Variants in SGK3 observed in about 807,000 individuals in gnomAD.
SGK3 encodes serum/glucocorticoid regulated kinase family member 3.
SGK3 carries 47 observed loss-of-function variants against 68.5 expected under a neutral mutation model. The observed-to-expected ratio is 0.69, with a 90% CI of 0.54 to 0.87. The LOEUF (loss-of-function observed/expected upper bound fraction) is 0.87. SGK3 is among the 40% of genes least tolerant of loss of function. The pLI, the probability that SGK3 is intolerant of heterozygous loss-of-function variation, is 0.00. For missense variants in SGK3, 479 were observed against 575.5 expected (o/e 0.83, Z 1.72); for synonymous variants, 181 against 189.1 (o/e 0.96, Z 0.35).
intron 1 of SGK3, among the ~76,000 whole-genome samples, chr8:66,736,257 A>G (rs897052993): frequency 2.0e-5 from 3 of 152,180 alleles, no homozygotes; most frequent in African/African-American, 7.2e-5. Context: ...GATTAAAAAT[A>G]TTTTTAAAAA....
chr8:66,825,329 C>CTTTTTTTTTT (rs11347366), intron 6 of SGK3, among the ~76,000 whole-genome samples: 1 of 123,074 alleles, frequency 8.1e-6, no homozygotes, highest in African/African-American at 3.2e-5. Flanking sequence ...TTATTAAGGA[C>CTTTTTTTTTT]TTTTTTTTTT....
intron 3 of SGK3, 40 bp downstream of exon 3, chr8:66,798,665 A>T: frequency 1.3e-6 from 2 of 1,516,396 alleles, no homozygotes; most frequent in Non-Finnish European, 1.8e-6. Flanking sequence ...AAAAGAAAGC[A>T]CCCGAGAAAA....
At chr8:66,837,552 G>A (rs941679428) in intron 10 of SGK3, among the ~76,000 whole-genome samples, 1 of 152,258 alleles carries the variant, frequency 6.6e-6, no homozygotes, top group East Asian at 1.9e-4. Context: ...AGGCCGATGT[G>A]GGTGGATCAC....
chr8:66,798,086 C>T (rs1406306946), intron 2 of SGK3, among the ~76,000 whole-genome samples: 2 of 151,900 alleles, frequency 1.3e-5, no homozygotes, highest in African/African-American at 4.8e-5. Context: ...CAGCTCACTA[C>T]AGCGTCGACT....
intron 1 of SGK3, chr8:66,768,032 A>G (rs1373393585): frequency 4.4e-6 from 3 of 675,854 alleles, no homozygotes; most frequent in Non-Finnish European, 8.2e-6. Context: ...TCTCAACCAG[A>G]TTTAAGTATA....
intron 1 of SGK3, among the ~76,000 whole-genome samples, chr8:66,768,765 A>T (rs1806407454): frequency 6.6e-6 from 1 of 152,094 alleles, no homozygotes; most frequent in South Asian, 2.1e-4. Flanking sequence ...GGGTTTCACC[A>T]TATTTACCAG....
intron 10 of SGK3, 86 bp downstream of exon 10, chr8:66,836,160 A>T (rs989579895): frequency 2.7e-6 from 4 of 1,507,402 alleles, no homozygotes; most frequent in Middle Eastern, 2.3e-4. Context: ...TTAGAAGGAC[A>T]GTATAAAATC....
chr8:66,833,703 T>G (rs1452438738), intron 8 of SGK3, among the ~76,000 whole-genome samples: 2 of 152,232 alleles, frequency 1.3e-5, no homozygotes, highest in Non-Finnish European at 2.9e-5. Flanking sequence ...GTTTAGAATT[T>G]TTTTTGAGAT....
Position 66,813,941 on chromosome 8 carries a change from T to G in SGK3, c.329+13T>G. 1.3e-6 allele frequency: 2 copies of G among 1,574,400 alleles called. No homozygotes were observed. The highest frequency in any genetic ancestry group is 4.7e-5 in the East Asian group (2 of 42,792). On this transcript the variant is annotated intron_variant, in intron 5 of 16. Transcript: ENST00000521198. Reference sequence around the variant, plus strand: ...AACTTTATAACCAGTAAGTAATTTTTGTTGCGTTCTAAAGGGACATTAAAA... The same window carrying G: ...AACTTTATAACCAGTAAGTAATTTTGGTTGCGTTCTAAAGGGACATTAAAA...
chr8:66,744,024 T>C (rs1805556914), intron 1 of SGK3, among the ~76,000 whole-genome samples: 1 of 152,238 alleles, frequency 6.6e-6, no homozygotes, highest in Non-Finnish European at 1.5e-5. Flanking sequence ...TTACCTGGGC[T>C]GGATCCTTTG....
At chr8:66,782,596 AT>A (rs905760533) in intron 1 of SGK3, among the ~76,000 whole-genome samples, 1 of 152,106 alleles carries the variant, frequency 6.6e-6, no homozygotes, top group Non-Finnish European at 1.5e-5. Context: ...GTCACAGAGT[AT>A]TTTCACTGCC....
chr8:66,766,086 TA>T (rs1262449337), intron 1 of SGK3, among the ~76,000 whole-genome samples: 1 of 152,208 alleles, frequency 6.6e-6, no homozygotes, highest in Non-Finnish European at 1.5e-5. Flanking sequence ...AATTTAATTT[TA>T]TTATAGTTAG....
At chr8:66,729,192 C>CA (rs1205435928) in intron 1 of SGK3, among the ~76,000 whole-genome samples, 2 of 151,008 alleles carry the variant, frequency 1.3e-5, no homozygotes, top group Non-Finnish European at 3.0e-5. Context: ...GCACTCCTCT[C>CA]ACGCCTGTAA....
chr8:66,839,862 G>T, intron 10 of SGK3, 141 bp from the exon 11 acceptor site: 1 of 712,830 alleles, frequency 1.4e-6, no homozygotes, highest in Non-Finnish European at 2.2e-6. Context: ...ACATTTCTGT[G>T]CCTTGTTAAC....
chr8:66,740,547 G>T (rs1805449219), intron 1 of SGK3, among the ~76,000 whole-genome samples: 1 of 152,190 alleles, frequency 6.6e-6, no homozygotes, highest in African/African-American at 2.4e-5. Context: ...ACTAAGCTCT[G>T]TTCATGCAAA....
At chr8:66,787,957 C>T (rs2130552254) in intron 1 of SGK3, among the ~76,000 whole-genome samples, 1 of 152,320 alleles carries the variant, frequency 6.6e-6, no homozygotes, top group East Asian at 1.9e-4. Flanking sequence ...CAGAGTTCTG[C>T]CCACTGGGAA....
intron 1 of SGK3, 24 bp from the exon 2 acceptor site, chr8:66,793,592 T>C: frequency 2.8e-6 from 1 of 351,060 alleles, no homozygotes; most frequent in South Asian, 6.0e-5. Context: ...TGCTAATCAC[T>C]TTTTTTTTTT....
At position 66,717,645 on chromosome 8, in the gene SGK3, T is replaced by G. The variant is rs183256729; in HGVS notation, c.-122+4812T>G. On this transcript the variant is annotated intron_variant, in intron 1 of 16. Transcript: ENST00000521198. ...GAAACGTATTCAAGGACAGTGGTGC[T>G]TCATAAGTTTGAAAATGAGAAGGAA... Among the ~76,000 whole-genome samples the G allele has an allele frequency of 4.7e-4, 71 of 152,356 alleles. 1 individual carries two copies. The highest frequency in any genetic ancestry group is 3.4e-3 in the Middle Eastern group (1 of 294).
intron 16 of SGK3, among the ~76,000 whole-genome samples, chr8:66,857,946 G>A (rs866542815): frequency 7.9e-5 from 12 of 151,944 alleles, no homozygotes; most frequent in Admixed American, 6.6e-4. Context: ...ATCAGGACTC[G>A]GAAGCCCTCC....
Sources: allele counts gnomAD v4.1 joint callset (sites outside exome capture counted in the v4.1 genomes callset), GRCh38; gene constraint gnomAD v4.1.1; transcripts MANE v1.5; gene names NCBI Gene and HGNC (gene_info 2026-07-23, HGNC 2026-07-21).